WDR25: variants seen among roughly 807,000 people sequenced by gnomAD.
WDR25 encodes WD repeat domain 25, also known as WD repeat-containing protein 25.
Under a neutral mutation model 47.7 loss-of-function variants are expected in WDR25, and 35 were observed. That is an observed-to-expected ratio of 0.73 (90% CI 0.56 to 0.97). The LOEUF is 0.97. WDR25 is among the 50% of genes least tolerant of loss of function. WDR25 has a pLI of 0.00. For synonymous variants in WDR25, 248 were observed against 278.9 expected, an observed-to-expected ratio of 0.89 and a Z score of 1.10; for missense variants, 634 against 704.7, an observed-to-expected ratio of 0.90 and a Z score of 1.14.
intron 2 of WDR25, among the ~76,000 whole-genome samples, chr14:100,431,422 C>T (rs1477862150): frequency 6.6e-6 from 1 of 152,154 alleles, no homozygotes; most frequent in Non-Finnish European, 1.5e-5. Context: ...ATAAAAGCCT[C>T]CTTCTTTATA....
At chr14:100,486,683 C>G (rs1595138331) in intron 4 of WDR25, among the ~76,000 whole-genome samples, 1 of 152,206 alleles carries the variant, frequency 6.6e-6, no homozygotes, top group African/African-American at 2.4e-5. Flanking sequence ...GGCGCTGTCC[C>G]AGGTGCTGAA....
In WDR25 at chr14:100,500,224, C is replaced by T. The variant is rs11160590; in HGVS notation, c.1101+16100C>T. 0.19 allele frequency among the ~76,000 whole-genome samples: 28,143 copies of T among 151,868 alleles called. 3,200 individuals carry two copies. The highest frequency in any genetic ancestry group is 0.26 in the Non-Finnish European group (17,333 of 67,898). ...CCCTGGTGTGGACACTGGAGGGGCC[C>T]GAGAGTGGGGTGGCTTGCTCACTCT... On this transcript the variant is annotated intron_variant, in intron 4 of 6. Coordinates refer to ENST00000402312, the MANE Select transcript of WDR25 (RefSeq NM_001161476.3). The surrounding 1 kb of genome is among the most constrained non-coding windows in gnomAD (Gnocchi z 4.7).
intron 5 of WDR25, among the ~76,000 whole-genome samples, chr14:100,528,133 T>C (rs1355999996): frequency 6.6e-6 from 1 of 152,146 alleles, no homozygotes; most frequent in African/African-American, 2.4e-5. Context: ...ATTCCTTTTC[T>C]ATCCTTGTGT....
chr14:100,409,648 A>G (rs901572726), intron 2 of WDR25, among the ~76,000 whole-genome samples: 4 of 152,230 alleles, frequency 2.6e-5, no homozygotes, highest in African/African-American at 9.6e-5. Flanking sequence ...GTATTAGAAC[A>G]TGGAGTAACT....
chr14:100,477,368 C>G (rs1900051023), intron 3 of WDR25, among the ~76,000 whole-genome samples: 1 of 152,188 alleles, frequency 6.6e-6, no homozygotes, highest in African/African-American at 2.4e-5. Context: ...AGTTTTTACA[C>G]TGGTTTAGCT....
At chr14:100,387,505 G>A (rs1455668003) in intron 2 of WDR25, among the ~76,000 whole-genome samples, 1 of 152,202 alleles carries the variant, frequency 6.6e-6, no homozygotes, top group African/African-American at 2.4e-5. Flanking sequence ...CACATTTAAA[G>A]CATGGATGAG....
At chr14:100,519,866 T>C (rs887895510) in intron 4 of WDR25, among the ~76,000 whole-genome samples, 2 of 141,110 alleles carry the variant, frequency 1.4e-5, no homozygotes, top group African/African-American at 2.6e-5. Context: ...ATATATACTA[T>C]ATATACACTA....
At chr14:100,410,957 A>G (rs1420096893) in intron 2 of WDR25, among the ~76,000 whole-genome samples, 1 of 151,514 alleles carries the variant, frequency 6.6e-6, no homozygotes, top group East Asian at 1.9e-4. Context: ...TAATTTTTGT[A>G]TTTTTGGTAG....
intron 4 of WDR25, among the ~76,000 whole-genome samples, chr14:100,511,044 G>C (rs530231656): frequency 6.6e-6 from 1 of 151,900 alleles, no homozygotes; most frequent in South Asian, 2.1e-4. Context: ...TTTTACAATT[G>C]CTTTGCCAAT....
In WDR25 at chr14:100,525,971, C is replaced by T. The variant is rs757546919; in HGVS notation, c.1203C>T (p.Asp401=). The change falls in exon 5 of 7, where the codon GAC becomes GAT. Residue 401 remains aspartate (D), a synonymous_variant. Coordinates refer to ENST00000402312, the MANE Select transcript of WDR25 (RefSeq NM_001161476.3). The surrounding 1 kb of genome is among the most constrained non-coding windows in gnomAD (Gnocchi z 4.6). ...FLSSTDASTR[D]SADRTIIAWD... ...GCAGCACAGACGCTTCCACCCGGGA[C>T]TCAGCTGACCGCACCATTATTGCCT... is the stretch of plus-strand genomic sequence containing the variant. 6.2e-7 allele frequency: 1 copy of T among 1,614,094 alleles called. No homozygotes were observed. Among genetic ancestry groups the T allele is most frequent in the Non-Finnish European group, 8.5e-7 (1 of 1,179,990 alleles).
At chr14:100,402,013 G>A (rs530141485) in intron 2 of WDR25, among the ~76,000 whole-genome samples, 3 of 152,350 alleles carry the variant, frequency 2.0e-5, no homozygotes, top group Admixed American at 6.5e-5. Context: ...TCAATCGTGC[G>A]AGGCTTTTAA....
At chr14:100,507,639 C>T (rs1380412199) in intron 4 of WDR25, among the ~76,000 whole-genome samples, 1 of 148,678 alleles carries the variant, frequency 6.7e-6, no homozygotes, top group African/African-American at 2.5e-5. Context: ...AGATGTATTC[C>T]TAGGTATTTG....
intron 2 of WDR25, among the ~76,000 whole-genome samples, chr14:100,417,669 A>G (rs1305039116): frequency 6.6e-6 from 1 of 152,164 alleles, no homozygotes; most frequent in African/African-American, 2.4e-5. Flanking sequence ...TCTGCCAGTG[A>G]GGCTCTGGAG....
chr14:100,491,145 G>T (rs1183236363), intron 4 of WDR25, among the ~76,000 whole-genome samples: 1 of 152,198 alleles, frequency 6.6e-6, no homozygotes, highest in Non-Finnish European at 1.5e-5. Context: ...CGCTGTGCAC[G>T]CTGTGTGCGC....
intron 2 of WDR25, among the ~76,000 whole-genome samples, chr14:100,396,769 T>C (rs1052347931): frequency 6.6e-6 from 1 of 152,250 alleles, no homozygotes. Flanking sequence ...GGGTGGGCTG[T>C]GGCAGGGCCA....
At position 100,498,822 on chromosome 14, in the gene WDR25, G is replaced by A. The variant is rs1178305276; in HGVS notation, c.1101+14698G>A. On this transcript the variant is annotated intron_variant, in intron 4 of 6. Transcript: ENST00000402312. The surrounding 1 kb of genome is among the most constrained non-coding windows in gnomAD (Gnocchi z 4.2). ...GATTTGGAATGGTTTCTACTCGAAGGGGTATCTTTCTCTAATAGGAACCAA... is the reference window on the plus strand; with the variant it reads ...GATTTGGAATGGTTTCTACTCGAAGAGGTATCTTTCTCTAATAGGAACCAA... Among the ~76,000 whole-genome samples, 2 of 152,234 alleles carry A rather than the reference G, an allele frequency of 1.3e-5. No homozygotes were observed. Among genetic ancestry groups the A allele is most frequent in the African/African-American group, 4.8e-5 (2 of 41,454 alleles).
intron 1 of WDR25, among the ~76,000 whole-genome samples, chr14:100,377,466 A>T (rs899770281): frequency 7.2e-6 from 1 of 138,670 alleles, no homozygotes; most frequent in Non-Finnish European, 1.6e-5. Flanking sequence ...CACACGGCTA[A>T]ATTTTTTTTT....
At chr14:100,408,704 C>G (rs1297799717) in intron 2 of WDR25, among the ~76,000 whole-genome samples, 5 of 152,154 alleles carry the variant, frequency 3.3e-5, no homozygotes, top group Admixed American at 1.3e-4. Context: ...TCTGAAGGGC[C>G]GAAAGCAATT....
intron 4 of WDR25, among the ~76,000 whole-genome samples, chr14:100,507,063 A>G (rs893137442): frequency 1.3e-5 from 2 of 152,064 alleles, no homozygotes; most frequent in African/African-American, 4.8e-5. Flanking sequence ...TTACATTTAA[A>G]TGTTGAGTTA....
Sources: allele counts gnomAD v4.1 joint callset (sites outside exome capture counted in the v4.1 genomes callset), GRCh38; gene constraint gnomAD v4.1.1; non-coding constraint Gnocchi (gnomAD v3.1); transcripts MANE v1.5; gene names NCBI Gene and HGNC (gene_info 2026-07-23, HGNC 2026-07-21).